Variants in DMD observed in about 807,000 individuals in gnomAD.
DMD encodes the protein dystrophin, also known as mutant dystrophin.
A neutral mutation model predicts 330.1 loss-of-function variants in DMD; 63 were observed. The observed-to-expected ratio is 0.19, with a 90% CI of 0.16 to 0.24. DMD has a LOEUF of 0.24. Among genes scored for constraint, DMD ranks in the 10% least tolerant of loss-of-function variants. The probability of loss-of-function intolerance (pLI) is 1.00; values close to 1 mark genes in which losing one functional copy is unlikely to be tolerated. For synonymous variants in DMD, 1,223 were observed against 959.8 expected (o/e 1.27, Z -5.07); for missense variants, 3,344 against 2,684.1 (o/e 1.25, Z -5.43).
intron 1 of DMD, among the ~76,000 whole-genome samples, chrX:33,130,432 T>G (rs2095492115): frequency 9.1e-6 from 1 of 110,389 alleles, no homozygotes; most frequent in Admixed American, 9.7e-5. Flanking sequence ...CCTTTATAAA[T>G]ATCAGAAAAA....
At chrX:32,280,961 G>A (rs1235151381) in intron 43 of DMD, among the ~76,000 whole-genome samples, 1 of 112,401 alleles carries the variant, frequency 8.9e-6, no homozygotes, top group Non-Finnish European at 1.9e-5. Context: ...ATACAGAGAC[G>A]ATTAGGGACT....
rs2097557042 is a variant in DMD at position 32,310,267 on chromosome X, G to A, written c.5932C>T (p.Arg1978Cys). The change falls in exon 42 of 79, where the codon CGT becomes TGT. Residue 1978 changes from arginine to cysteine, a missense_variant. Coordinates refer to ENST00000357033, the MANE Select transcript of DMD (RefSeq NM_004006.3). ...GTCATCACCATCATCGTTTCTTCAC[G>A]GACAGTGTGCTGGTATAGATATACA... ...RLNFAQIHTV[R>C]EETMMVMTED... The A allele has an allele frequency of 4.1e-6, 5 of 1,207,299 alleles. No homozygotes were observed. Among genetic ancestry groups the A allele is most frequent in the Non-Finnish European group, 5.6e-6 (5 of 892,488 alleles).
At chrX:32,433,641 G>A (rs1388580878) in intron 29 of DMD, among the ~76,000 whole-genome samples, 1 of 111,114 alleles carries the variant, frequency 9.0e-6, no homozygotes, top group African/African-American at 3.3e-5. Context: ...TTGCACCCTT[G>A]TACTCTAGCC....
intron 34 of DMD, among the ~76,000 whole-genome samples, chrX:32,375,825 A>T (rs1012671165): frequency 8.9e-6 from 1 of 112,023 alleles, no homozygotes. Flanking sequence ...CAATTTTACT[A>T]TATTTCTCAA....
chrX:33,247,053 T>C (rs2052676337), intron 1 of DMD, among the ~76,000 whole-genome samples: 1 of 112,215 alleles, frequency 8.9e-6, no homozygotes, highest in East Asian at 2.8e-4. Context: ...GAACACTGAA[T>C]GATAAATGAA....
At chrX:32,726,847 A>G (rs1019472391) in intron 7 of DMD, among the ~76,000 whole-genome samples, 19 of 110,670 alleles carry the variant, frequency 1.7e-4, no homozygotes, top group Admixed American at 4.9e-4. Context: ...ATGGATTCAG[A>G]TATTATTTGA....
rs747357737 is a variant in DMD at position 32,386,480 on chromosome X, A to G, written c.4519-15T>C. On this transcript the variant is annotated splice_polypyrimidine_tract_variant and intron_variant, in intron 32 of 78. Transcript: ENST00000357033. Reference sequence around the variant, plus strand: ...TTATACAAGTTCTAAGTTTAAACATAAAACAAAACATGATAATCAGTAGAG... The same window carrying G: ...TTATACAAGTTCTAAGTTTAAACATGAAACAAAACATGATAATCAGTAGAG... The G allele has an allele frequency of 2.6e-6, 3 of 1,160,933 alleles. No homozygotes were observed. Among genetic ancestry groups the G allele is most frequent in the Non-Finnish European group, 3.5e-6 (3 of 852,593 alleles).
At chrX:33,284,910 T>C (rs1603428257) in intron 1 of DMD, among the ~76,000 whole-genome samples, 1 of 107,478 alleles carries the variant, frequency 9.3e-6, no homozygotes, top group East Asian at 3.0e-4. Context: ...TATTAATGAC[T>C]ACATAAATGA....
chrX:33,188,718 C>T (rs1429632850), intron 1 of DMD, among the ~76,000 whole-genome samples: 2 of 112,078 alleles, frequency 1.8e-5, no homozygotes, highest in African/African-American at 6.5e-5. Flanking sequence ...CCAAATTCGT[C>T]TGTTGAAGTC....
chrX:31,695,644 A>T (rs2083414489), intron 52 of DMD, among the ~76,000 whole-genome samples: 1 of 111,329 alleles, frequency 9.0e-6, no homozygotes, highest in African/African-American at 3.3e-5. Context: ...CCTGGAGGAC[A>T]TTAGGTTAAG....
intron 1 of DMD, among the ~76,000 whole-genome samples, chrX:33,076,023 C>T (rs190697290): frequency 9.0e-6 from 1 of 111,634 alleles, no homozygotes. Flanking sequence ...ATAAAGTCAC[C>T]ATTGTAAAGC....
intron 9 of DMD, among the ~76,000 whole-genome samples, chrX:32,682,594 T>G (rs2147341951): frequency 8.9e-6 from 1 of 111,885 alleles, no homozygotes; most frequent in South Asian, 3.7e-4. Context: ...GCTTGAAGAG[T>G]TCATATCAAA....
At chrX:31,955,171 C>T (rs2095232377) in intron 45 of DMD, among the ~76,000 whole-genome samples, 1 of 111,067 alleles carries the variant, frequency 9.0e-6, no homozygotes, top group Admixed American at 9.6e-5. Flanking sequence ...GCCAGAACCC[C>T]ATCTCAAAAA....
intron 1 of DMD, among the ~76,000 whole-genome samples, chrX:33,161,712 T>C (rs376173392): frequency 1.8e-5 from 2 of 111,060 alleles, no homozygotes; most frequent in East Asian, 5.7e-4. Context: ...AGCCCAAGAG[T>C]AGAGAGAATT....
chrX:32,348,340 CTAAGT>C (rs2097770746), intron 38 of DMD, 61 bp downstream of exon 38: 7 of 1,096,454 alleles, frequency 6.4e-6, no homozygotes, highest in Non-Finnish European at 7.5e-6. Context: ...GGAGACTTAT[CTAAGT>C]TCTTTCCAAA....
chrX:31,951,056 A>G (rs1378202348), intron 45 of DMD, among the ~76,000 whole-genome samples: 1 of 100,588 alleles, frequency 9.9e-6, no homozygotes, highest in African/African-American at 3.6e-5. Context: ...TAGATTTTGT[A>G]ATATTTGCAT....
At chrX:31,623,222 C>T (rs761125702) in intron 55 of DMD, among the ~76,000 whole-genome samples, 4 of 110,753 alleles carry the variant, frequency 3.6e-5, no homozygotes, top group Admixed American at 9.6e-5. Context: ...TTAATCCGTG[C>T]GCCAAAATTT....
At chrX:31,321,583 C>CAAAAA (rs1190446358) in intron 62 of DMD, among the ~76,000 whole-genome samples, 9 of 10,439 alleles carry the variant, frequency 8.6e-4, no homozygotes, top group Non-Finnish European at 1.0e-3. Context: ...AACTCCATCT[C>CAAAAA]AAAAAAAAAA....
intron 44 of DMD, among the ~76,000 whole-genome samples, chrX:32,063,216 G>GAT (rs1399990896): frequency 4.7e-5 from 3 of 63,946 alleles, no homozygotes. Context: ...ACACACACAT[G>GAT]ATTATATATC....
Sources: gnomAD v4.1 joint callset for allele counts (sites outside exome capture counted in the v4.1 genomes callset) on GRCh38, gnomAD v4.1.1 for gene constraint, MANE v1.5 for transcripts, NCBI Gene and HGNC (gene_info 2026-07-23, HGNC 2026-07-21) for gene names.